The following CHCHD3 variants were observed in gnomAD, a reference collection of about 807,000 sequenced individuals.
CHCHD3 encodes the protein MICOS complex subunit MIC19.
A neutral mutation model predicts 38.2 loss-of-function variants in CHCHD3; 20 were observed. The ratio of observed to expected loss-of-function variants is 0.52; its 90% CI spans 0.37 to 0.76. The LOEUF (loss-of-function observed/expected upper bound fraction) is 0.76, where lower values mean the gene tolerates loss of function less well. CHCHD3 is among the 30% of genes least tolerant of loss of function. The pLI is 0.00. For missense variants in CHCHD3, 245 were observed against 279.2 expected (o/e 0.88, Z 0.87); for synonymous variants, 82 against 100.0 (o/e 0.82, Z 1.07).
chr7:132,977,619 T>C (rs1435091128), intron 3 of CHCHD3, among the ~76,000 whole-genome samples: 1 of 152,250 alleles, frequency 6.6e-6, no homozygotes, highest in Admixed American at 6.5e-5. Flanking sequence ...ATGGATCAAC[T>C]ACTAAGCACT....
intron 5 of CHCHD3, among the ~76,000 whole-genome samples, chr7:132,864,485 G>A (rs1808567803): frequency 6.6e-6 from 1 of 152,144 alleles, no homozygotes; most frequent in Non-Finnish European, 1.5e-5. Context: ...GAAATATTAT[G>A]GGAACTACCA....
chr7:133,025,354 C>T (rs766205369), intron 2 of CHCHD3, among the ~76,000 whole-genome samples: 7 of 152,202 alleles, frequency 4.6e-5, no homozygotes, highest in Admixed American at 1.3e-4. Flanking sequence ...AAATTTCACA[C>T]ACGTCTTTAA....
intron 2 of CHCHD3, among the ~76,000 whole-genome samples, chr7:133,026,631 T>C (rs1255489653): frequency 6.6e-6 from 1 of 152,220 alleles, no homozygotes; most frequent in Non-Finnish European, 1.5e-5. Context: ...CCTAAGTGCC[T>C]AGCAACTGAT....
chr7:132,798,920 T>C (rs553849769), intron 6 of CHCHD3, among the ~76,000 whole-genome samples: 2 of 152,264 alleles, frequency 1.3e-5, no homozygotes, highest in South Asian at 4.1e-4. Context: ...TTATTTATGA[T>C]TTGAAATGTG....
chr7:132,944,631 A>G (rs1810852906), intron 4 of CHCHD3, among the ~76,000 whole-genome samples: 1 of 151,742 alleles, frequency 6.6e-6, no homozygotes, highest in Non-Finnish European at 1.5e-5. Context: ...AAAATGTATA[A>G]ATAGTAGTAA....
At position 133,035,775 on chromosome 7, in the gene CHCHD3, A is replaced by G; in HGVS notation, c.170-11148T>C. 6.2e-7 allele frequency: 1 copy of G among 1,613,200 alleles called. No individual in the cohort carries two copies. Among genetic ancestry groups the G allele is most frequent in the East Asian group, 2.2e-5 (1 of 44,862 alleles). ...CTTGCCGGCAGGAAATTTGCGAAGA[A>G]ATTCAGAGGTGCGGTTGGTTTGGCC... On this transcript the variant is annotated intron_variant, in intron 2 of 7. Coordinates refer to ENST00000262570, the MANE Select transcript of CHCHD3 (RefSeq NM_017812.4). The surrounding 1 kb of genome is among the most constrained non-coding windows in gnomAD (Gnocchi z 4.7).
chr7:132,791,336 T>C (rs1293918794), intron 7 of CHCHD3, among the ~76,000 whole-genome samples: 1 of 152,198 alleles, frequency 6.6e-6, no homozygotes, highest in Non-Finnish European at 1.5e-5. Context: ...GAGTGGGCTG[T>C]TTGGTCTGGG....
intron 4 of CHCHD3, among the ~76,000 whole-genome samples, chr7:132,887,648 A>AATAAT (rs10624634): frequency 1 from 150,949 of 151,486 alleles, 75,211 homozygotes; most frequent in Middle Eastern, 1. Context: ...AATATACACA[A>AATAAT]ATAAACTAGA....
chr7:133,022,714 G>A (rs1314116773), intron 3 of CHCHD3, among the ~76,000 whole-genome samples: 1 of 152,010 alleles, frequency 6.6e-6, no homozygotes, highest in African/African-American at 2.4e-5. Flanking sequence ...ATAGTCATTT[G>A]TCCAGGTTAC....
Position 132,955,538 on chromosome 7 carries a change from TTTTG to T in CHCHD3, c.369+19627_369+19630del, listed in dbSNP as rs577948240. On this transcript the variant is annotated intron_variant, in intron 4 of 7. Coordinates refer to ENST00000262570, the MANE Select transcript of CHCHD3 (RefSeq NM_017812.4). The stretch of plus-strand genomic sequence containing the variant: ...TTTTGTTTGTTTGTTTTTTGGGGTT[TTTTG>T]TTTTTTTTTTTTAATGTGATTAACA... Among the ~76,000 whole-genome samples the T allele has an allele frequency of 3.6e-3, 541 of 150,058 alleles. 2 individuals are homozygous for T. The highest frequency in any genetic ancestry group is 6.8e-3 in the Middle Eastern group (2 of 292).
intron 7 of CHCHD3, among the ~76,000 whole-genome samples, chr7:132,789,374 C>A (rs1172402646): frequency 1.3e-5 from 2 of 152,148 alleles, no homozygotes; most frequent in East Asian, 3.9e-4. Context: ...GGTAAATCAC[C>A]AAAAGAAGAG....
intron 3 of CHCHD3, among the ~76,000 whole-genome samples, chr7:133,004,617 G>A (rs545766111): frequency 1.1e-4 from 16 of 152,320 alleles, no homozygotes; most frequent in African/African-American, 3.6e-4. Context: ...CAAAGAGAAT[G>A]AGAACAGGAC....
chr7:133,057,740 T>C (rs150117396), intron 2 of CHCHD3, among the ~76,000 whole-genome samples: 1,591 of 152,212 alleles, frequency 0.01, 23 homozygotes, highest in African/African-American at 0.036. Context: ...GTATGTTTAA[T>C]AGGACAGGAA....
intron 6 of CHCHD3, among the ~76,000 whole-genome samples, chr7:132,831,009 A>G (rs2117083858): frequency 6.6e-6 from 1 of 152,304 alleles, no homozygotes; most frequent in South Asian, 2.1e-4. Flanking sequence ...AAATTAAAAA[A>G]GGGGGAAAAA....
chr7:132,934,537 C>G (rs867184040), intron 4 of CHCHD3, among the ~76,000 whole-genome samples: 1 of 152,150 alleles, frequency 6.6e-6, no homozygotes, highest in Non-Finnish European at 1.5e-5. Context: ...TAGTTGCTTT[C>G]GTATTTAATG....
At chr7:132,996,985 G>A (rs1028840008) in intron 3 of CHCHD3, among the ~76,000 whole-genome samples, 11 of 152,140 alleles carry the variant, frequency 7.2e-5, no homozygotes, top group African/African-American at 2.7e-4. Context: ...ATATTTCCAC[G>A]ATGTTAACAA....
At chr7:132,934,778 A>G (rs1266686938) in intron 4 of CHCHD3, among the ~76,000 whole-genome samples, 1 of 152,216 alleles carries the variant, frequency 6.6e-6, no homozygotes, top group Non-Finnish European at 1.5e-5. Context: ...ACATGGGGCA[A>G]TAACCTTAGT....
chr7:132,806,481 C>A (rs12113530), intron 6 of CHCHD3, among the ~76,000 whole-genome samples: 152,258 of 152,258 alleles, frequency 1, 76,129 homozygotes, highest in Non-Finnish European at 1. Context: ...AGTAAAATAC[C>A]AAAGGGAAGG....
chr7:132,817,754 G>T (rs954119178), intron 6 of CHCHD3, among the ~76,000 whole-genome samples: 1 of 152,098 alleles, frequency 6.6e-6, no homozygotes, highest in African/African-American at 2.4e-5. Context: ...CTACTCAGGA[G>T]GCTGAGACAG....
Sources: allele counts gnomAD v4.1 joint callset (sites outside exome capture counted in the v4.1 genomes callset), GRCh38; gene constraint gnomAD v4.1.1; non-coding constraint Gnocchi (gnomAD v3.1); transcripts MANE v1.5; gene names NCBI Gene and HGNC (gene_info 2026-07-23, HGNC 2026-07-21).